Variants in BMPR1B observed in about 807,000 individuals in gnomAD.
BMPR1B encodes bone morphogenetic protein receptor type-1B.
BMPR1B carries 12 observed loss-of-function variants against 59.1 expected under a neutral mutation model. The ratio of observed to expected loss-of-function variants is 0.20; its 90% CI spans 0.13 to 0.33. The LOEUF (loss-of-function observed/expected upper bound fraction) is 0.33, where lower values mean the gene tolerates loss of function less well. Ranked by LOEUF, BMPR1B falls within the 10% of genes least tolerant of loss-of-function variation. BMPR1B has a pLI of 1.00. For missense variants in BMPR1B, 550 were observed against 610.9 expected (o/e 0.90, Z 1.05); for synonymous variants, 237 against 207.3 (o/e 1.14, Z -1.23).
intron 1 of BMPR1B, among the ~76,000 whole-genome samples, chr4:94,836,750 C>T (rs1460718051): frequency 6.8e-6 from 1 of 147,440 alleles, no homozygotes; most frequent in Admixed American, 6.7e-5. Flanking sequence ...TGTACAGAAG[C>T]TCTTTATTTT....
chr4:94,855,053 T>C (rs1021162787), intron 1 of BMPR1B, among the ~76,000 whole-genome samples: 1 of 152,180 alleles, frequency 6.6e-6, no homozygotes, highest in African/African-American at 2.4e-5. Context: ...GCAAAAAAAT[T>C]GTAAACAAAT....
intron 3 of BMPR1B, among the ~76,000 whole-genome samples, chr4:95,053,819 T>C (rs1726711960): frequency 6.6e-6 from 1 of 152,162 alleles, no homozygotes. Context: ...TTTTATTTTA[T>C]TTTTGCCCTG....
At chr4:94,900,398 CAG>C (rs1727765710) in intron 2 of BMPR1B, among the ~76,000 whole-genome samples, 2 of 150,160 alleles carry the variant, frequency 1.3e-5, no homozygotes, top group African/African-American at 2.4e-5. Context: ...ACATGTTAAT[CAG>C]AGTGTTAAGT....
intron 1 of BMPR1B, among the ~76,000 whole-genome samples, chr4:94,806,582 A>T (rs940481328): frequency 6.6e-6 from 1 of 152,196 alleles, no homozygotes; most frequent in African/African-American, 2.4e-5. Flanking sequence ...ACCAGTAGCT[A>T]GTAATTCCTT....
chr4:95,035,796 G>GT (rs1187327839), intron 3 of BMPR1B, among the ~76,000 whole-genome samples: 4 of 152,072 alleles, frequency 2.6e-5, no homozygotes, highest in African/African-American at 9.7e-5. Context: ...TTTTAGGATT[G>GT]TTTTTTCTAG....
chr4:94,978,949 TAC>T (rs10649707), intron 2 of BMPR1B, among the ~76,000 whole-genome samples: 37,684 of 147,532 alleles, frequency 0.26, 5,369 homozygotes, highest in East Asian at 0.69. Flanking sequence ...CACACATACA[TAC>T]ACACACACAC....
At position 94,934,270 on chromosome 4, in the gene BMPR1B, G is replaced by A. The variant is rs568375345; in HGVS notation, c.-113+58370G>A. Among the ~76,000 whole-genome samples, 127 of 152,138 alleles carry A rather than the reference G, an allele frequency of 8.3e-4. 1 individual carries two copies. Among genetic ancestry groups the A allele is most frequent in the African/African-American group, 2.7e-3 (113 of 41,506 alleles). On this transcript the variant is annotated intron_variant, in intron 2 of 12. Coordinates refer to ENST00000515059, the MANE Select transcript of BMPR1B (RefSeq NM_001203.3). The stretch of plus-strand genomic sequence containing the variant: ...CTATCATCTTTTTAAGGTTGATTTT[G>A]TAGAGTGTTAAATGCTATTTAAATT...
In BMPR1B at chr4:94,895,339, T is replaced by C. The variant is rs575101852; in HGVS notation, c.-113+19439T>C. 6.6e-5 allele frequency among the ~76,000 whole-genome samples: 10 copies of C among 152,074 alleles called. No individual in the cohort carries two copies. The East Asian group carries it at 1.9e-3, about 30-fold the overall frequency. ...CAACAGATGCAGTCAGTGAACTGTTTATATAGCTGCCTTAAATTTTTCTTT... is the reference window on the plus strand; with the variant it reads ...CAACAGATGCAGTCAGTGAACTGTTCATATAGCTGCCTTAAATTTTTCTTT... On this transcript the variant is annotated intron_variant, in intron 2 of 12. Coordinates refer to ENST00000515059, the MANE Select transcript of BMPR1B (RefSeq NM_001203.3).
intron 3 of BMPR1B, among the ~76,000 whole-genome samples, chr4:94,999,808 G>C (rs1444926): frequency 0.72 from 108,827 of 151,962 alleles, 40,316 homozygotes; most frequent in East Asian, 0.86. Context: ...GAGATAGTTC[G>C]GGTTTTAAGG....
chr4:95,117,406 G>T (rs1319062602), intron 6 of BMPR1B, among the ~76,000 whole-genome samples: 3 of 152,108 alleles, frequency 2.0e-5, no homozygotes, highest in African/African-American at 7.2e-5. Context: ...AAGTGCAGAG[G>T]TCTGGTTTGT....
At chr4:94,840,755 T>C (rs1356992812) in intron 1 of BMPR1B, among the ~76,000 whole-genome samples, 4 of 148,602 alleles carry the variant, frequency 2.7e-5, no homozygotes, top group Admixed American at 2.7e-4. Flanking sequence ...AGCCTTCTTC[T>C]CTCAACTTGT....
At chr4:94,862,717 G>A (rs916445358) in intron 1 of BMPR1B, among the ~76,000 whole-genome samples, 47 of 151,494 alleles carry the variant, frequency 3.1e-4, no homozygotes, top group Non-Finnish European at 6.3e-4. Context: ...AGGCCGAGAC[G>A]GGTGGATCAT....
chr4:94,919,910 T>G (rs1728627143), intron 2 of BMPR1B, among the ~76,000 whole-genome samples: 1 of 152,220 alleles, frequency 6.6e-6, no homozygotes, highest in African/African-American at 2.4e-5. Flanking sequence ...GGGGACAGTG[T>G]CGTCATTTTT....
chr4:94,931,339 A>C (rs1474637176), intron 2 of BMPR1B, among the ~76,000 whole-genome samples: 1 of 152,160 alleles, frequency 6.6e-6, no homozygotes, highest in Non-Finnish European at 1.5e-5. Flanking sequence ...TTAAAGTTAC[A>C]AATGTTATAC....
At chr4:95,151,206 A>G (rs1055430869) in intron 11 of BMPR1B, among the ~76,000 whole-genome samples, 3 of 152,208 alleles carry the variant, frequency 2.0e-5, no homozygotes, top group South Asian at 2.1e-4. Flanking sequence ...ACTTGATTAC[A>G]TGACATGGAG....
chr4:95,123,469 G>A (rs111608900), intron 6 of BMPR1B, among the ~76,000 whole-genome samples: 3 of 152,182 alleles, frequency 2.0e-5, no homozygotes, highest in Non-Finnish European at 2.9e-5. Flanking sequence ...CATGAGCTGC[G>A]TCTGTAATAA....
At chr4:94,951,578 T>C (rs1349962522) in intron 2 of BMPR1B, among the ~76,000 whole-genome samples, 1 of 152,212 alleles carries the variant, frequency 6.6e-6, no homozygotes, top group East Asian at 1.9e-4. Context: ...ATTAAGTTTA[T>C]TGATTTGCCT....
chr4:94,868,825 A>G (rs1028307214), intron 1 of BMPR1B, among the ~76,000 whole-genome samples: 3 of 152,216 alleles, frequency 2.0e-5, no homozygotes, highest in Admixed American at 6.5e-5. Context: ...TTTAAAACAT[A>G]TATTTCACCT....
At chr4:94,812,395 G>A (rs1457011962) in intron 1 of BMPR1B, among the ~76,000 whole-genome samples, 3 of 152,152 alleles carry the variant, frequency 2.0e-5, no homozygotes, top group Non-Finnish European at 4.4e-5. Context: ...AGCAGTGAAA[G>A]CTTTGAAAGC....
Sources: allele counts gnomAD v4.1 joint callset (sites outside exome capture counted in the v4.1 genomes callset), GRCh38; gene constraint gnomAD v4.1.1; transcripts MANE v1.5; gene names NCBI Gene and HGNC (gene_info 2026-07-23, HGNC 2026-07-21).